ALKAL1: variants seen among roughly 807,000 people sequenced by gnomAD.
ALKAL1 encodes ALK and LTK ligand 1, also known as AUG-beta.
In ALKAL1, 23 loss-of-function variants were observed where a neutral mutation model predicts 13.5. That is an observed-to-expected ratio of 1.70 (90% CI 1.23 to 2.41). ALKAL1 has a LOEUF of 2.41. ALKAL1 is among the 30% of genes most tolerant of loss of function. The pLI, the probability that ALKAL1 is intolerant of heterozygous loss-of-function variation, is 0.00. For missense variants in ALKAL1, 181 were observed against 178.4 expected, an observed-to-expected ratio of 1.01 and a Z score of -0.08; for synonymous variants, 85 against 77.7, an observed-to-expected ratio of 1.09 and a Z score of -0.49.
At chr8:52,538,776 G>T (rs1008020165) in intron 3 of ALKAL1, among the ~76,000 whole-genome samples, 1 of 152,104 alleles carries the variant, frequency 6.6e-6, no homozygotes, top group Admixed American at 6.5e-5. Flanking sequence ...CCCAAAGCAC[G>T]TGCTTTCTCC....
intron 1 of ALKAL1, among the ~76,000 whole-genome samples, chr8:52,552,103 C>A (rs139377931): frequency 6.6e-6 from 1 of 152,204 alleles, no homozygotes; most frequent in East Asian, 1.9e-4. Flanking sequence ...TCTCCTTAGG[C>A]GCCTCTTGGC....
intron 1 of ALKAL1, among the ~76,000 whole-genome samples, chr8:52,552,343 C>A (rs1044561117): frequency 6.6e-6 from 1 of 152,060 alleles, no homozygotes; most frequent in African/African-American, 2.4e-5. Flanking sequence ...TGGTGTTGAC[C>A]TTGACCTCCT....
Position 52,565,239 on chromosome 8 carries a change from G to A in ALKAL1, c.18C>T (p.Pro6=), listed in dbSNP as rs1005198599. 22 of 1,316,454 alleles carry A rather than the reference G, an allele frequency of 1.7e-5. No individual in the cohort carries two copies. Among genetic ancestry groups the A allele is most frequent in the South Asian group, 9.0e-5 (4 of 44,586 alleles). The allele number at this position is 1,316,454 out of a possible 1,614,324, so 81.5% of individuals were successfully genotyped here. Residue 6 remains proline (P), a synonymous_variant, in exon 1 of 5, where the codon CCC becomes CCT. Transcript: ENST00000358543. ...GGAAGAGTGCGGGCAAAGGGGCGCC[G>A]GGCTTAAGGGGCCGCATGTTCGCAA... The part of the protein sequence containing the change: MRPLK[P]GAPLPALFLL...
intron 1 of ALKAL1, among the ~76,000 whole-genome samples, chr8:52,552,951 GCCC>G (rs1379174204): frequency 6.6e-6 from 1 of 152,162 alleles, no homozygotes; most frequent in Non-Finnish European, 1.5e-5. Flanking sequence ...GCTGCTTCTA[GCCC>G]CTCGAAGCTG....
chr8:52,554,043 G>A lies in ALKAL1; in HGVS notation c.190+11024C>T, dbSNP rs574808647. ...GTTCGAAACCAGCCTGACCAACATG[G>A]AGAAACCCCGTCTCTACTAAAAATA... On this transcript the variant is annotated intron_variant, in intron 1 of 4. Coordinates refer to ENST00000358543, the MANE Select transcript of ALKAL1 (RefSeq NM_207413.4). Among the ~76,000 whole-genome samples the A allele has an allele frequency of 1.6e-3, 248 of 152,306 alleles. 2 individuals carry two copies. Among genetic ancestry groups the A allele is most frequent in the South Asian group, 3.1e-3 (15 of 4,826 alleles).
chr8:52,550,224 CA>C (rs1847416596), intron 1 of ALKAL1, among the ~76,000 whole-genome samples: 1 of 152,128 alleles, frequency 6.6e-6, no homozygotes, highest in African/African-American at 2.4e-5. Context: ...GTAAATTACG[CA>C]GAGGATAAAA....
intron 1 of ALKAL1, among the ~76,000 whole-genome samples, chr8:52,543,932 T>A (rs1847339872): frequency 1.3e-5 from 2 of 152,156 alleles, no homozygotes; most frequent in Non-Finnish European, 2.9e-5. Flanking sequence ...CACTCAGGTG[T>A]GTAGAAAATT....
intron 4 of ALKAL1, among the ~76,000 whole-genome samples, chr8:52,537,131 A>C (rs1373717744): frequency 6.6e-6 from 1 of 152,204 alleles, no homozygotes; most frequent in Non-Finnish European, 1.5e-5. Flanking sequence ...ACAGCAAAAA[A>C]CAGATAATCT....
chr8:52,557,220 C>G (rs1847493768), intron 1 of ALKAL1, among the ~76,000 whole-genome samples: 1 of 152,210 alleles, frequency 6.6e-6, no homozygotes, highest in Non-Finnish European at 1.5e-5. Context: ...CCGGGTGGTG[C>G]TTGGAGAGAG....
intron 3 of ALKAL1, among the ~76,000 whole-genome samples, 168 bp downstream of exon 3, chr8:52,539,663 G>T (rs1847294029): frequency 6.6e-6 from 1 of 151,994 alleles, no homozygotes; most frequent in South Asian, 2.1e-4. Flanking sequence ...CCTTACAGTG[G>T]CAACAGTACA....
chr8:52,552,505 G>A (rs1341018385), intron 1 of ALKAL1, among the ~76,000 whole-genome samples: 4 of 152,182 alleles, frequency 2.6e-5, no homozygotes, highest in African/African-American at 9.7e-5. Flanking sequence ...TGAGGACATA[G>A]TATCTACATG....
intron 1 of ALKAL1, among the ~76,000 whole-genome samples, chr8:52,554,900 G>A (rs1334961244): frequency 2.0e-5 from 3 of 152,194 alleles, no homozygotes; most frequent in Non-Finnish European, 4.4e-5. Flanking sequence ...GGCCGGGCAC[G>A]GTGGCTCACG....
intron 1 of ALKAL1, among the ~76,000 whole-genome samples, chr8:52,555,191 T>C (rs530048078): frequency 2.0e-5 from 3 of 146,396 alleles, no homozygotes; most frequent in Admixed American, 6.8e-5. Flanking sequence ...AAAAAAAAGA[T>C]AAAGGCCGAC....
Position 52,547,683 on chromosome 8 carries a change from T to C in ALKAL1, c.191-5238A>G, listed in dbSNP as rs186893293. On this transcript the variant is annotated intron_variant, in intron 1 of 4. Coordinates refer to ENST00000358543, the MANE Select transcript of ALKAL1 (RefSeq NM_207413.4). ...GCCACATTCAAAAAGTAAAAAGAAA[T>C]GTGTGAATTAATTTAATAATTTGGC... Among the ~76,000 whole-genome samples the C allele has an allele frequency of 6.0e-3, 906 of 152,004 alleles. 9 individuals carry two copies. The highest frequency in any genetic ancestry group is 0.021 in the African/African-American group (854 of 41,436).
intron 1 of ALKAL1, among the ~76,000 whole-genome samples, chr8:52,555,056 A>C (rs1847469036): frequency 6.6e-6 from 1 of 151,988 alleles, no homozygotes; most frequent in Non-Finnish European, 1.5e-5. Context: ...CTGTAGTCCC[A>C]GCTACTCAGG....
At chr8:52,549,406 A>C (rs1847407799) in intron 1 of ALKAL1, among the ~76,000 whole-genome samples, 1 of 150,674 alleles carries the variant, frequency 6.6e-6, no homozygotes, top group Non-Finnish European at 1.5e-5. Flanking sequence ...AATTTGTAAA[A>C]TATATAGCAG....
At position 52,548,237 on chromosome 8, in the gene ALKAL1, G is replaced by A. The variant is rs572994229; in HGVS notation, c.191-5792C>T. The stretch of plus-strand genomic sequence containing the variant: ...ATGGTGGCACACACCTGTAATCCCA[G>A]CTACTCAGGAGGCTGAGGCAGGGGA... On this transcript the variant is annotated intron_variant, in intron 1 of 4. Coordinates refer to ENST00000358543, the MANE Select transcript of ALKAL1 (RefSeq NM_207413.4). Among the ~76,000 whole-genome samples the A allele has an allele frequency of 2.1e-3, 319 of 152,276 alleles. 1 individual carries two copies. Among genetic ancestry groups the A allele is most frequent in the Non-Finnish European group, 2.9e-3 (200 of 68,018 alleles).
chr8:52,546,085 A>T (rs1847365620), intron 1 of ALKAL1, among the ~76,000 whole-genome samples: 1 of 152,250 alleles, frequency 6.6e-6, no homozygotes, highest in Admixed American at 6.5e-5. Flanking sequence ...AATAGTAAAA[A>T]TACAGTATTA....
At chr8:52,558,451 C>T (rs868541411) in intron 1 of ALKAL1, among the ~76,000 whole-genome samples, 1 of 151,058 alleles carries the variant, frequency 6.6e-6, no homozygotes. Flanking sequence ...AATTTGTTTC[C>T]AGGTATTTTT....
Sources: gnomAD v4.1 joint callset for allele counts (sites outside exome capture counted in the v4.1 genomes callset) on GRCh38, gnomAD v4.1.1 for gene constraint, MANE v1.5 for transcripts, NCBI Gene and HGNC (gene_info 2026-07-23, HGNC 2026-07-21) for gene names.